C1orf185: variants seen among roughly 807,000 people sequenced by gnomAD.
C1orf185 encodes chromosome 1 open reading frame 185, also known as uncharacterized protein C1orf185.
A neutral mutation model predicts 16.1 loss-of-function variants in C1orf185; 13 were observed. The observed-to-expected ratio is 0.81, with a 90% CI of 0.53 to 1.28. The LOEUF is 1.28. C1orf185 is among the 50% of genes most tolerant of loss of function. The pLI, the probability that C1orf185 is intolerant of heterozygous loss-of-function variation, is 0.00. For missense variants in C1orf185, 220 were observed against 225.2 expected, an observed-to-expected ratio of 0.98 and a Z score of 0.15; for synonymous variants, 80 against 76.9, an observed-to-expected ratio of 1.04 and a Z score of -0.21.
At chr1:51,130,606 A>G (rs1213197191) in intron 3 of C1orf185, among the ~76,000 whole-genome samples, 1 of 152,228 alleles carries the variant, frequency 6.6e-6, no homozygotes, top group Non-Finnish European at 1.5e-5. Context: ...CATGCAATGG[A>G]TATCTCATTG....
At chr1:51,140,369 T>C (rs1646356737) in intron 3 of C1orf185, among the ~76,000 whole-genome samples, 1 of 152,214 alleles carries the variant, frequency 6.6e-6, no homozygotes, top group Admixed American at 6.5e-5. Context: ...TTTCTTTTAG[T>C]AGAGGGAAAA....
At chr1:51,128,861 C>T (rs761510370) in intron 3 of C1orf185, among the ~76,000 whole-genome samples, 1 of 151,580 alleles carries the variant, frequency 6.6e-6, no homozygotes, top group African/African-American at 2.4e-5. Context: ...ACTTTGTTTG[C>T]TTTTTTTGCT....
intron 3 of C1orf185, among the ~76,000 whole-genome samples, chr1:51,119,264 T>C (rs890652556): frequency 6.6e-6 from 1 of 152,228 alleles, no homozygotes; most frequent in Non-Finnish European, 1.5e-5. Flanking sequence ...TCAAGGTATA[T>C]GTGTAGTACA....
Position 51,145,948 on chromosome 1 carries a change from G to A in C1orf185, c.295+188G>A, listed in dbSNP as rs41286448. 3.6e-3 allele frequency among the ~76,000 whole-genome samples: 543 copies of A among 152,100 alleles called. 4 individuals are homozygous for A. The highest frequency in any genetic ancestry group is 4.8e-3 in the Admixed American group (73 of 15,266). ...TAGAAAAAACAAAACTTGCAATATC[G>A]TATCTTAAACTAAAATGTGAAGTTT... On this transcript the variant is annotated intron_variant, in intron 4 of 4. Transcript: ENST00000371759.
intron 3 of C1orf185, among the ~76,000 whole-genome samples, chr1:51,129,465 G>T (rs929735748): frequency 2.6e-5 from 4 of 152,072 alleles, no homozygotes; most frequent in African/African-American, 7.2e-5. Flanking sequence ...TTGAGATTGT[G>T]CAGTGGCACA....
intron 4 of C1orf185, among the ~76,000 whole-genome samples, chr1:51,146,653 T>C (rs1199985218): frequency 1.4e-4 from 21 of 152,158 alleles, no homozygotes; most frequent in Admixed American, 1.3e-3. Flanking sequence ...GACAAACTAA[T>C]GAAAATCTAG....
chr1:51,134,148 C>T (rs1024238463), intron 3 of C1orf185, among the ~76,000 whole-genome samples: 2 of 152,016 alleles, frequency 1.3e-5, no homozygotes, highest in African/African-American at 4.8e-5. Flanking sequence ...ATCTCTCAGA[C>T]CAAAACACAA....
At position 51,147,682 on chromosome 1, in the gene C1orf185, G is replaced by T. The variant is rs74080736; in HGVS notation, c.511G>T (p.Gly171Trp). Residue 171 changes from glycine to tryptophan, a missense_variant, in exon 5 of 5, where the codon GGG (glycine) becomes TGG (tryptophan). By Grantham distance (184) the Gly-to-Trp change is radical (BLOSUM62 -2). Transcript: ENST00000371759. Reference sequence around the variant, plus strand: ...AAGGAACTCTCCAATGCCTTCTCTCGGGGAACCTCTAATGGAAAAAGTATT... The same window carrying T: ...AAGGAACTCTCCAATGCCTTCTCTCTGGGAACCTCTAATGGAAAAAGTATT... ...VKRNSPMPSL[G>W]EPLMEKVFSY... The T allele has an allele frequency of 1.4e-5, 21 of 1,551,062 alleles. No individual in the cohort carries two copies. Among genetic ancestry groups the T allele is most frequent in the Non-Finnish European group, 1.7e-5 (20 of 1,146,786 alleles).
At chr1:51,122,778 T>A (rs1474999188) in intron 3 of C1orf185, among the ~76,000 whole-genome samples, 3 of 152,188 alleles carry the variant, frequency 2.0e-5, no homozygotes, top group Non-Finnish European at 4.4e-5. Context: ...CAACCCCTGA[T>A]CCTTTTACTG....
At chr1:51,123,250 C>A (rs1362066210) in intron 3 of C1orf185, among the ~76,000 whole-genome samples, 1 of 152,312 alleles carries the variant, frequency 6.6e-6, no homozygotes, top group Admixed American at 6.5e-5. Flanking sequence ...CCAATCACTT[C>A]TTAAAGGCCC....
At chr1:51,102,830 C>T (rs1276174706) in intron 1 of C1orf185, among the ~76,000 whole-genome samples, 2 of 151,930 alleles carry the variant, frequency 1.3e-5, no homozygotes, top group Non-Finnish European at 2.9e-5. Context: ...AGTTTTCAAA[C>T]TTCTTTTCTA....
At chr1:51,119,570 A>G (rs1326352270) in intron 3 of C1orf185, among the ~76,000 whole-genome samples, 1 of 152,200 alleles carries the variant, frequency 6.6e-6, no homozygotes, top group Admixed American at 6.5e-5. Flanking sequence ...GGGCGGGAGG[A>G]TTGCTTGAGC....
At chr1:51,133,062 C>T (rs1055900671) in intron 3 of C1orf185, among the ~76,000 whole-genome samples, 1 of 152,104 alleles carries the variant, frequency 6.6e-6, no homozygotes, top group Admixed American at 6.6e-5. Context: ...CTGGAGGAAG[C>T]ACTAAATATG....
chr1:51,118,589 A>T, intron 2 of C1orf185, 77 bp from the exon 3 acceptor site: 1 of 909,678 alleles, frequency 1.1e-6, no homozygotes, highest in Non-Finnish European at 1.5e-6. Flanking sequence ...TTTATGTATA[A>T]ATATTGGAAA....
chr1:51,134,351 A>G (rs933649907), intron 3 of C1orf185, among the ~76,000 whole-genome samples: 1 of 152,130 alleles, frequency 6.6e-6, no homozygotes, highest in Non-Finnish European at 1.5e-5. Context: ...GTATTAAAAG[A>G]GAAACATATA....
chr1:51,107,677 C>T (rs1406788099), intron 1 of C1orf185, among the ~76,000 whole-genome samples: 1 of 151,994 alleles, frequency 6.6e-6, no homozygotes, highest in Non-Finnish European at 1.5e-5. Context: ...GTCAACAGAC[C>T]TATAGAAGCA....
intron 1 of C1orf185, among the ~76,000 whole-genome samples, chr1:51,111,817 G>A (rs1167036498): frequency 6.6e-6 from 1 of 152,120 alleles, no homozygotes. Flanking sequence ...ACGGCGCCCT[G>A]CCCCTGGTTA....
chr1:51,146,544 A>G (rs897336276), intron 4 of C1orf185, among the ~76,000 whole-genome samples: 4 of 152,104 alleles, frequency 2.6e-5, no homozygotes, highest in African/African-American at 9.7e-5. Context: ...AAAATGTTAT[A>G]AAAGGTATTA....
At chr1:51,111,248 C>T (rs950368881) in intron 1 of C1orf185, among the ~76,000 whole-genome samples, 1 of 151,702 alleles carries the variant, frequency 6.6e-6, no homozygotes, top group Non-Finnish European at 1.5e-5. Flanking sequence ...ACTTTTCTTT[C>T]GTGGACCTCA....
Sources: allele counts gnomAD v4.1 joint callset (sites outside exome capture counted in the v4.1 genomes callset), GRCh38; gene constraint gnomAD v4.1.1; transcripts MANE v1.5; gene names NCBI Gene and HGNC (gene_info 2026-07-23, HGNC 2026-07-21).